The following BNC2 variants were observed in gnomAD, a reference collection of about 807,000 sequenced individuals.
BNC2 encodes basonuclin zinc finger protein 2, also known as zinc finger protein basonuclin-2.
In BNC2, 20 loss-of-function variants were observed where a neutral mutation model predicts 76.3. The observed-to-expected ratio is 0.26, with a 90% CI of 0.18 to 0.38. The LOEUF is 0.38. Ranked by LOEUF, BNC2 falls within the 10% of genes least tolerant of loss-of-function variation. The pLI is 1.00. For synonymous variants in BNC2, 582 were observed against 514.8 expected, an observed-to-expected ratio of 1.13 and a Z score of -1.77; for missense variants, 1,382 against 1,399.8, an observed-to-expected ratio of 0.99 and a Z score of 0.20.
intron 5 of BNC2, among the ~76,000 whole-genome samples, chr9:16,455,533 G>A (rs1258188196): frequency 6.6e-6 from 1 of 152,202 alleles, no homozygotes; most frequent in Non-Finnish European, 1.5e-5. Context: ...GTTCACACCT[G>A]TAATCTCAGC....
At chr9:16,502,278 T>C (rs1187238583) in intron 5 of BNC2, among the ~76,000 whole-genome samples, 1 of 152,102 alleles carries the variant, frequency 6.6e-6, no homozygotes, top group Non-Finnish European at 1.5e-5. Context: ...TTGAATTCAG[T>C]TCAAGGTCAC....
intron 3 of BNC2, among the ~76,000 whole-genome samples, chr9:16,706,889 G>A (rs1421264961): frequency 6.6e-6 from 1 of 152,176 alleles, no homozygotes; most frequent in Non-Finnish European, 1.5e-5. Flanking sequence ...AAATCAAATT[G>A]TCAGTTTAAT....
intron 1 of BNC2, among the ~76,000 whole-genome samples, chr9:16,869,875 G>T (rs1021959218): frequency 6.6e-6 from 1 of 152,104 alleles, no homozygotes; most frequent in African/African-American, 2.4e-5. Flanking sequence ...ATTTCACCTA[G>T]GGTTTTTCAG....
intron 1 of BNC2, among the ~76,000 whole-genome samples, chr9:16,870,349 G>A (rs747844699): frequency 6.6e-6 from 1 of 151,668 alleles, no homozygotes; most frequent in Admixed American, 6.6e-5. Context: ...GCTCACCTTC[G>A]CGCGGAAGCC....
At chr9:16,589,794 C>G (rs908979823) in intron 3 of BNC2, among the ~76,000 whole-genome samples, 8 of 152,146 alleles carry the variant, frequency 5.3e-5, no homozygotes, top group Admixed American at 2.0e-4. Flanking sequence ...AGGCGTAAGC[C>G]ACGGTGCCTG....
intron 1 of BNC2, among the ~76,000 whole-genome samples, chr9:16,776,355 G>A (rs1041997193): frequency 6.6e-6 from 1 of 152,040 alleles, no homozygotes; most frequent in East Asian, 1.9e-4. Context: ...GCCCAGGCTG[G>A]TCTCGAACCT....
chr9:16,620,076 C>A (rs1034216803), intron 3 of BNC2, among the ~76,000 whole-genome samples: 4 of 152,146 alleles, frequency 2.6e-5, no homozygotes, highest in Non-Finnish European at 5.9e-5. Flanking sequence ...ACAACTAATT[C>A]TCATGTAATG....
At chr9:16,532,884 G>C (rs879900995) in intron 5 of BNC2, among the ~76,000 whole-genome samples, 2 of 152,182 alleles carry the variant, frequency 1.3e-5, no homozygotes, top group Admixed American at 6.5e-5. Context: ...GCCATCATGG[G>C]ATATTTTCAC....
chr9:16,565,404 C>T (rs1251699515), intron 4 of BNC2, among the ~76,000 whole-genome samples: 1 of 152,158 alleles, frequency 6.6e-6, no homozygotes, highest in African/African-American at 2.4e-5. Context: ...ACTATTTGGT[C>T]ACTAAATGTG....
chr9:16,807,496 G>T (rs563717434), intron 1 of BNC2, among the ~76,000 whole-genome samples: 125 of 152,256 alleles, frequency 8.2e-4, no homozygotes, highest in Non-Finnish European at 1.5e-3. Flanking sequence ...AAAAAAGATG[G>T]AAGTTTTACT....
rs540610242 is a variant in BNC2, at chr9:16,675,637, G to C, written c.330+52160C>G. On this transcript the variant is annotated intron_variant, in intron 3 of 6. Transcript: ENST00000380672. ...TTAAACTCTAAAGGAATAAAACCTA[G>C]TAAATTGTATCTTAAAGACTCTGAC... Among the ~76,000 whole-genome samples, 226 of 152,288 alleles carry C rather than the reference G, an allele frequency of 1.5e-3. 2 individuals carry two copies. Among genetic ancestry groups the C allele is most frequent in the African/African-American group, 5.0e-3 (207 of 41,560 alleles).
intron 3 of BNC2, among the ~76,000 whole-genome samples, chr9:16,618,021 G>A (rs1820759433): frequency 6.6e-6 from 1 of 152,198 alleles, no homozygotes; most frequent in Non-Finnish European, 1.5e-5. Flanking sequence ...ACTCTAAAAT[G>A]GAGCGCCACT....
At chr9:16,592,119 C>T (rs181746581) in intron 3 of BNC2, among the ~76,000 whole-genome samples, 16 of 151,824 alleles carry the variant, frequency 1.1e-4, no homozygotes, top group Non-Finnish European at 7.4e-5. Context: ...CCCTCCCCTC[C>T]CCCCAAAAAA....
intron 3 of BNC2, among the ~76,000 whole-genome samples, chr9:16,594,657 G>C (rs1820017494): frequency 6.6e-6 from 1 of 152,112 alleles, no homozygotes; most frequent in Non-Finnish European, 1.5e-5. Context: ...TCCCATGTTT[G>C]TACAGTGCTA....
At chr9:16,802,711 T>G (rs1328851006) in intron 1 of BNC2, among the ~76,000 whole-genome samples, 6 of 152,196 alleles carry the variant, frequency 3.9e-5, no homozygotes, top group African/African-American at 1.2e-4. Context: ...ACACACTATT[T>G]GAAATTCCAA....
intron 1 of BNC2, among the ~76,000 whole-genome samples, chr9:16,790,522 T>A (rs924563379): frequency 3.3e-5 from 5 of 152,254 alleles, no homozygotes; most frequent in Non-Finnish European, 5.9e-5. Flanking sequence ...TCGTTGCTAA[T>A]TTACAATTCT....
At chr9:16,485,099 G>GAGACACACAC (rs1822134655) in intron 5 of BNC2, among the ~76,000 whole-genome samples, 2 of 143,196 alleles carry the variant, frequency 1.4e-5, no homozygotes, top group Non-Finnish European at 3.0e-5. Context: ...CACACACACA[G>GAGACACACAC]AGACACACAC....
chr9:16,422,534 G>A (rs1182437120), intron 6 of BNC2, among the ~76,000 whole-genome samples: 1 of 152,104 alleles, frequency 6.6e-6, no homozygotes, highest in Non-Finnish European at 1.5e-5. Flanking sequence ...ATTCTTTTAC[G>A]TTCAATTCCT....
intron 3 of BNC2, among the ~76,000 whole-genome samples, chr9:16,646,063 G>T (rs573734897): frequency 6.6e-6 from 1 of 152,286 alleles, no homozygotes; most frequent in South Asian, 2.1e-4. Flanking sequence ...ACAGCAACAC[G>T]TCTACCTTCC....
Sources: gnomAD v4.1 joint callset for allele counts (sites outside exome capture counted in the v4.1 genomes callset) on GRCh38, gnomAD v4.1.1 for gene constraint, MANE v1.5 for transcripts, NCBI Gene and HGNC (gene_info 2026-07-23, HGNC 2026-07-21) for gene names.